Variants in GNG7 observed in about 807,000 individuals in gnomAD.
The protein encoded by GNG7 is G protein subunit gamma 7.
Under a neutral mutation model 4.0 loss-of-function variants are expected in GNG7, and 1 was observed. That is an observed-to-expected ratio of 0.25 (90% CI 0.09 to 1.18). GNG7 has a LOEUF of 1.18. Ranked by LOEUF, GNG7 falls within the 50% of genes most tolerant of loss-of-function variation. The pLI is 0.50. For synonymous variants in GNG7, 34 were observed against 36.9 expected (o/e 0.92, Z 0.29); for missense variants, 86 against 91.9 (o/e 0.94, Z 0.26).
chr19:2,599,388 G>A (rs976754276), intron 2 of GNG7, among the ~76,000 whole-genome samples: 2 of 152,080 alleles, frequency 1.3e-5, no homozygotes, highest in Admixed American at 6.6e-5. Flanking sequence ...CCCAGCTGGT[G>A]GGGAAGAGCA....
intron 1 of GNG7, among the ~76,000 whole-genome samples, chr19:2,674,984 C>T (rs1983558962): frequency 6.6e-6 from 1 of 152,152 alleles, no homozygotes; most frequent in African/African-American, 2.4e-5. Context: ...TTTCCTAAAA[C>T]GGAACTGTCA....
At chr19:2,559,125 A>G (rs1249311093) in intron 2 of GNG7, among the ~76,000 whole-genome samples, 5 of 138,986 alleles carry the variant, frequency 3.6e-5, no homozygotes, top group Non-Finnish European at 6.2e-5. Context: ...ATAGTCACAA[A>G]GAATATATAT....
intron 3 of GNG7, chr19:2,538,748 T>A: frequency 2.3e-6 from 1 of 439,860 alleles, no homozygotes; most frequent in South Asian, 1.7e-5. Flanking sequence ...GCTTCAGACT[T>A]CCTAGATATA....
intron 1 of GNG7, among the ~76,000 whole-genome samples, chr19:2,690,367 C>A (rs1002617098): frequency 6.6e-6 from 1 of 151,990 alleles, no homozygotes; most frequent in Admixed American, 6.6e-5. Flanking sequence ...GGTGACAGAA[C>A]GAGATTCTGT....
intron 1 of GNG7, among the ~76,000 whole-genome samples, chr19:2,696,861 T>G (rs1387924098): frequency 6.6e-6 from 1 of 152,130 alleles, no homozygotes; most frequent in Non-Finnish European, 1.5e-5. Flanking sequence ...TGATGGAATG[T>G]TTTTTTGTTT....
Position 2,524,390 on chromosome 19 carries a change from G to A in GNG7, c.-37-3665C>T, listed in dbSNP as rs768306773. On this transcript the variant is annotated intron_variant, in intron 3 of 4. Coordinates refer to ENST00000382159, the MANE Select transcript of GNG7 (RefSeq NM_052847.3). ...CAATGATGCACATGTGACTGTACACGTGTGTACACGTGGTGTGCATGTCAG... is the reference window on the plus strand; with the variant it reads ...CAATGATGCACATGTGACTGTACACATGTGTACACGTGGTGTGCATGTCAG... Among the ~76,000 whole-genome samples the A allele has an allele frequency of 6.6e-5, 10 of 152,250 alleles. 1 individual carries two copies. Among genetic ancestry groups the A allele is most frequent in the South Asian group, 4.1e-4 (2 of 4,838 alleles).
chr19:2,688,495 C>T (rs1479958321), intron 1 of GNG7, among the ~76,000 whole-genome samples: 1 of 152,140 alleles, frequency 6.6e-6, no homozygotes, highest in Non-Finnish European at 1.5e-5. Flanking sequence ...CTCACCCCTA[C>T]GTGTTCTTTC....
intron 2 of GNG7, among the ~76,000 whole-genome samples, chr19:2,586,767 T>C (rs1980686634): frequency 2.0e-5 from 3 of 151,948 alleles, no homozygotes; most frequent in Admixed American, 2.0e-4. Context: ...GGCGGATTAT[T>C]TGAGGTCAGG....
intron 1 of GNG7, among the ~76,000 whole-genome samples, chr19:2,675,403 C>G (rs1983569603): frequency 6.6e-6 from 1 of 152,156 alleles, no homozygotes; most frequent in African/African-American, 2.4e-5. Context: ...CGGTGTGACC[C>G]ACCAAAAATC....
At chr19:2,527,131 A>G (rs1274057106) in intron 3 of GNG7, among the ~76,000 whole-genome samples, 2 of 152,244 alleles carry the variant, frequency 1.3e-5, no homozygotes, top group Admixed American at 6.5e-5. Flanking sequence ...GGCGTGAGCC[A>G]CTGCTCCCGG....
rs1972651518 is a variant in GNG7 at position 2,511,268 on chromosome 19, C to T, written c.*3754G>A. ...TGTGTATGAATTCACGTGGTATCGA[C>T]AACTCCACACAATATTAAAACACTG... is the stretch of plus-strand genomic sequence containing the variant. On this transcript the variant is annotated 3_prime_UTR_variant, in exon 5 of 5. Coordinates refer to ENST00000382159, the MANE Select transcript of GNG7 (RefSeq NM_052847.3). The surrounding 1 kb of genome is among the most constrained non-coding windows in gnomAD (Gnocchi z 6.3). 6.6e-6 allele frequency: 1 copy of T among 152,242 alleles called. No homozygotes were observed. Among genetic ancestry groups the T allele is most frequent in the African/African-American group, 2.4e-5 (1 of 41,454 alleles). The allele number at this position is 152,242 out of a possible 1,614,324, so 9.4% of individuals were successfully genotyped here. A position where few individuals can be genotyped will look rare whatever the true frequency, so the allele number is the denominator to read the frequency against.
chr19:2,581,296 G>A (rs1202699456), intron 2 of GNG7, among the ~76,000 whole-genome samples: 1 of 148,860 alleles, frequency 6.7e-6, no homozygotes, highest in Admixed American at 6.7e-5. Flanking sequence ...ACAGACTGAT[G>A]GGGGGGGCCG....
rs369685739 is a variant in GNG7, at chr19:2,605,802, G to A, written c.-78+40422C>T. On this transcript the variant is annotated intron_variant, in intron 2 of 4. Transcript: ENST00000382159. ...GCTGGGATGACAGGTGTGAGCCACC[G>A]CAGCCTGCCAAAATCTCACTCTTAT... 8.0e-4 allele frequency among the ~76,000 whole-genome samples: 121 copies of A among 151,926 alleles called. 1 individual carries two copies. The highest frequency in any genetic ancestry group is 6.8e-3 in the Middle Eastern group (2 of 294).
intron 2 of GNG7, among the ~76,000 whole-genome samples, chr19:2,563,772 G>A (rs1015805872): frequency 3.3e-5 from 5 of 152,098 alleles, no homozygotes; most frequent in Non-Finnish European, 5.9e-5. Context: ...ATGAGCCACC[G>A]CGCCCGGCCC....
At chr19:2,567,500 T>G (rs1979958797) in intron 2 of GNG7, among the ~76,000 whole-genome samples, 1 of 152,086 alleles carries the variant, frequency 6.6e-6, no homozygotes, top group Non-Finnish European at 1.5e-5. Flanking sequence ...AATTTTTGCA[T>G]TTTTTTGTAT....
chr19:2,633,661 A>G lies in GNG7; in HGVS notation c.-78+12563T>C, dbSNP rs1982230964. On this transcript the variant is annotated intron_variant, in intron 2 of 4. Coordinates refer to ENST00000382159, the MANE Select transcript of GNG7 (RefSeq NM_052847.3). The surrounding 1 kb of genome is among the most constrained non-coding windows in gnomAD (Gnocchi z 5.9). ...TCGCAATAACAGCTCTGAAACGGGG[A>G]TTCATTGAGAGGACATCGGTGGGCT... Among the ~76,000 whole-genome samples, 4 of 151,680 alleles carry G rather than the reference A, an allele frequency of 2.6e-5. No individual in the cohort carries two copies. The highest frequency in any genetic ancestry group is 2.6e-4 in the Admixed American group (4 of 15,242).
intron 2 of GNG7, among the ~76,000 whole-genome samples, chr19:2,630,224 G>T (rs1982122859): frequency 6.6e-6 from 1 of 152,004 alleles, no homozygotes; most frequent in South Asian, 2.1e-4. Flanking sequence ...CCGAACGCAG[G>T]CCCCCCCTTC....
At chr19:2,538,283 C>T (rs1203465129) in intron 3 of GNG7, 1 of 456,432 alleles carries the variant, frequency 2.2e-6, no homozygotes, top group Admixed American at 2.4e-5. Context: ...ATGAAACCGA[C>T]CAGGTCAATT....
At chr19:2,569,507 C>T (rs554245998) in intron 2 of GNG7, among the ~76,000 whole-genome samples, 4 of 152,250 alleles carry the variant, frequency 2.6e-5, no homozygotes, top group South Asian at 4.1e-4. Context: ...GATCTCCTGA[C>T]CTCGGGATCC....
Sources: allele counts gnomAD v4.1 joint callset (sites outside exome capture counted in the v4.1 genomes callset), GRCh38; gene constraint gnomAD v4.1.1; non-coding constraint Gnocchi (gnomAD v3.1); transcripts MANE v1.5; gene names NCBI Gene and HGNC (gene_info 2026-07-23, HGNC 2026-07-21).